The following NBAS variants were observed in gnomAD, a reference collection of about 807,000 sequenced individuals.
NBAS encodes the protein NAG/BC035112 fusion.
NBAS carries 219 observed loss-of-function variants against 302.5 expected under a neutral mutation model. The observed-to-expected ratio is 0.72, with a 90% CI of 0.65 to 0.81. NBAS has a LOEUF of 0.81. Ranked by LOEUF, NBAS falls within the 30% of genes least tolerant of loss-of-function variation. The pLI, the probability that NBAS is intolerant of heterozygous loss-of-function variation, is 0.00. For synonymous variants in NBAS, 1,118 were observed against 1,021.6 expected (o/e 1.09, Z -1.80); for missense variants, 2,932 against 2,841.6 (o/e 1.03, Z -0.72).
chr2:14,984,072 A>C, the NBAS span, among the ~76,000 whole-genome samples: 1 of 152,226 alleles, frequency 6.6e-6, no homozygotes, highest in East Asian at 1.9e-4. Flanking sequence ...AAAACAATAT[A>C]TAACCAATGA....
chr2:15,437,686 T>C (rs1253058918), intron 21 of NBAS, among the ~76,000 whole-genome samples: 1 of 152,236 alleles, frequency 6.6e-6, no homozygotes, highest in African/African-American at 2.4e-5. Flanking sequence ...AAACAGTTCT[T>C]ATGACTGTCA....
intron 31 of NBAS, among the ~76,000 whole-genome samples, chr2:15,369,022 A>G (rs7572081): frequency 0.053 from 8,059 of 152,242 alleles, 542 homozygotes; most frequent in African/African-American, 0.16. Flanking sequence ...TAAAAACACT[A>G]TGGGTTTTTT....
At chr2:15,483,903 A>G (rs79280510) in intron 12 of NBAS, among the ~76,000 whole-genome samples, 2,084 of 152,300 alleles carry the variant, frequency 0.014, 36 homozygotes, top group East Asian at 0.059. Context: ...ACTAGTTTAA[A>G]TATCACCATA....
chr2:14,787,753 T>G, the NBAS span, among the ~76,000 whole-genome samples: 5 of 152,138 alleles, frequency 3.3e-5, no homozygotes, highest in Non-Finnish European at 1.5e-5. Context: ...CTGCCCTTAA[T>G]ATTTTTTCCT....
At chr2:15,120,112 T>A in the NBAS span, among the ~76,000 whole-genome samples, 1 of 152,098 alleles carries the variant, frequency 6.6e-6, no homozygotes, top group Non-Finnish European at 1.5e-5. Context: ...AAACAGGAAG[T>A]GTGGGAGGGT....
chr2:15,484,211 C>T (rs1403757276), intron 12 of NBAS, among the ~76,000 whole-genome samples: 2 of 152,152 alleles, frequency 1.3e-5, no homozygotes, highest in African/African-American at 2.4e-5. Flanking sequence ...GGATGTTATT[C>T]ATATAAACTT....
chr2:15,202,054 A>G (rs1052452037), intron 48 of NBAS, among the ~76,000 whole-genome samples: 11 of 152,218 alleles, frequency 7.2e-5, no homozygotes, highest in Non-Finnish European at 1.3e-4. Context: ...CTGTTTATAA[A>G]CTGCTTAAGA....
the NBAS span, among the ~76,000 whole-genome samples, chr2:15,091,646 C>T: frequency 6.6e-6 from 1 of 151,792 alleles, no homozygotes; most frequent in Non-Finnish European, 1.5e-5. Context: ...AATTCTTGTG[C>T]CTCAGCCTAC....
At chr2:14,826,837 T>A in the NBAS span, among the ~76,000 whole-genome samples, 1 of 152,172 alleles carries the variant, frequency 6.6e-6, no homozygotes, top group Non-Finnish European at 1.5e-5. Flanking sequence ...TAGGAAGAAG[T>A]TTGGTCCAGC....
At chr2:15,023,172 G>A in the NBAS span, among the ~76,000 whole-genome samples, 1,891 of 152,250 alleles carry the variant, frequency 0.012, 41 homozygotes, top group African/African-American at 0.044. Flanking sequence ...CCTAATATAT[G>A]TATTTGATTG....
At chr2:15,134,021 C>T in the NBAS span, among the ~76,000 whole-genome samples, 1 of 151,466 alleles carries the variant, frequency 6.6e-6, no homozygotes, top group Non-Finnish European at 1.5e-5. Flanking sequence ...CTCCCTGCTA[C>T]TCTCTCCTTA....
the NBAS span, among the ~76,000 whole-genome samples, chr2:14,795,465 A>G: frequency 6.6e-6 from 1 of 151,968 alleles, no homozygotes; most frequent in African/African-American, 2.4e-5. Flanking sequence ...TTGAAATGCC[A>G]AGATTTTACA....
chr2:15,209,500 A>G (rs1450379485), intron 48 of NBAS, among the ~76,000 whole-genome samples: 1 of 152,110 alleles, frequency 6.6e-6, no homozygotes, highest in Admixed American at 6.5e-5. Flanking sequence ...AAATAAAACT[A>G]CAGGCCAATA....
the NBAS span, among the ~76,000 whole-genome samples, chr2:14,921,559 A>G: frequency 2.6e-5 from 4 of 152,220 alleles, no homozygotes; most frequent in African/African-American, 4.8e-5. Flanking sequence ...AACACCTGGG[A>G]GCTTAACTGT....
chr2:14,911,670 C>A, the NBAS span, among the ~76,000 whole-genome samples: 1 of 152,144 alleles, frequency 6.6e-6, no homozygotes, highest in African/African-American at 2.4e-5. Context: ...ACTAAAATCC[C>A]AACAGTTAAC....
At chr2:15,036,242 C>T in the NBAS span, among the ~76,000 whole-genome samples, 1 of 152,054 alleles carries the variant, frequency 6.6e-6, no homozygotes, top group African/African-American at 2.4e-5. Flanking sequence ...TGCTTGCATC[C>T]CTAGTGCCTA....
At chr2:15,147,411 T>G in the NBAS span, among the ~76,000 whole-genome samples, 4 of 151,992 alleles carry the variant, frequency 2.6e-5, no homozygotes, top group Non-Finnish European at 5.9e-5. Flanking sequence ...CTGACCAACA[T>G]GGAGAAACCC....
chr2:15,428,509 T>C (rs1677590369), intron 21 of NBAS, among the ~76,000 whole-genome samples: 1 of 152,146 alleles, frequency 6.6e-6, no homozygotes, highest in African/African-American at 2.4e-5. Flanking sequence ...GAGGGAGGAC[T>C]GCTTGAGCCA....
the NBAS span, among the ~76,000 whole-genome samples, chr2:14,781,166 G>A: frequency 1.3e-5 from 2 of 152,184 alleles, no homozygotes; most frequent in Non-Finnish European, 2.9e-5. Context: ...GTTAGAAGAC[G>A]TATTTTAAAT....
Sources: gnomAD v4.1 joint callset for allele counts (sites outside exome capture counted in the v4.1 genomes callset) on GRCh38, gnomAD v4.1.1 for gene constraint, MANE v1.5 for transcripts, NCBI Gene and HGNC (gene_info 2026-07-23, HGNC 2026-07-21) for gene names.